The following EPHA7 variants were observed in gnomAD, a reference collection of about 807,000 sequenced individuals.
The protein encoded by EPHA7 is ephrin type-A receptor 7.
EPHA7 carries 25 observed loss-of-function variants against 112.6 expected under a neutral mutation model. The ratio of observed to expected loss-of-function variants is 0.22; its 90% CI spans 0.16 to 0.31. The LOEUF (loss-of-function observed/expected upper bound fraction) is 0.31, where lower values mean the gene tolerates loss of function less well. Ranked by LOEUF, EPHA7 falls within the 10% of genes least tolerant of loss-of-function variation. EPHA7 has a pLI of 1.00. For missense variants in EPHA7, 962 were observed against 1,212.6 expected (o/e 0.79, Z 3.07); for synonymous variants, 437 against 406.5 (o/e 1.07, Z -0.90).
At chr6:93,301,475 A>C (rs2127849912) in intron 5 of EPHA7, among the ~76,000 whole-genome samples, 1 of 152,334 alleles carries the variant, frequency 6.6e-6, no homozygotes, top group African/African-American at 2.4e-5. Flanking sequence ...TTTGAAGGGT[A>C]AAATCTGTAT....
At chr6:93,264,743 T>A in intron 7 of EPHA7, 41 bp from the exon 8 acceptor site, 1 of 1,217,382 alleles carries the variant, frequency 8.2e-7, no homozygotes, top group Non-Finnish European at 1.2e-6. Context: ...CTTGACACCA[T>A]GCAAGAACTT....
rs1371925819 is a variant in EPHA7, at chr6:93,258,223, T to C, written c.1986A>G (p.Val662=). ...AACCAACTTTCAGGGTTTTTATGGC[T>C]ACTGCAACATCTCTTTTCCCTGGAA... ...LKLPGKRDVA[V]AIKTLKVGYT... Residue 662 remains valine (V), a synonymous_variant, in exon 11 of 17, where the codon GTA becomes GTG. Transcript: ENST00000369303. The C allele has an allele frequency of 2.5e-6, 4 of 1,613,226 alleles. No individual in the cohort carries two copies. The Admixed American group carries it at 5.0e-5, about 20-fold the overall frequency.
chr6:93,294,773 T>C (rs544756840), intron 5 of EPHA7, among the ~76,000 whole-genome samples: 2 of 152,228 alleles, frequency 1.3e-5, no homozygotes, highest in Admixed American at 6.5e-5. Flanking sequence ...TTAATAGATA[T>C]AGATTCACAT....
At chr6:93,342,843 C>A (rs990843015) in intron 5 of EPHA7, among the ~76,000 whole-genome samples, 1 of 151,652 alleles carries the variant, frequency 6.6e-6, no homozygotes, top group African/African-American at 2.4e-5. Flanking sequence ...TATGGCTTTA[C>A]ATGTTATTCA....
Position 93,263,771 on chromosome 6 carries a change from T to A in EPHA7, c.1798+89A>T, listed in dbSNP as rs1183021315. 1.6e-5 allele frequency: 15 copies of A among 948,572 alleles called. No individual in the cohort carries two copies. In the South Asian group the frequency reaches 1.6e-4, roughly 10 times the overall value. The allele number at this position is 948,572 out of a possible 1,614,324, so 58.8% of individuals were successfully genotyped here. A position where few individuals can be genotyped will look rare whatever the true frequency, so the allele number is the denominator to read the frequency against. ...GCTCATGGTATAATTTCAAGCATGATGCATGAGGACTTTGTTAATGCCAAT... is the reference window on the plus strand; with the variant it reads ...GCTCATGGTATAATTTCAAGCATGAAGCATGAGGACTTTGTTAATGCCAAT... On this transcript the variant is annotated intron_variant, in intron 9 of 16. Transcript: ENST00000369303.
chr6:93,275,486 T>C (rs937556787), intron 5 of EPHA7, among the ~76,000 whole-genome samples: 28 of 151,924 alleles, frequency 1.8e-4, no homozygotes, highest in Admixed American at 5.3e-4. Context: ...TCCTTTGCCC[T>C]TAAAGATCTT....
intron 3 of EPHA7, among the ~76,000 whole-genome samples, chr6:93,359,467 A>G (rs976711835): frequency 6.6e-6 from 1 of 151,796 alleles, no homozygotes; most frequent in Non-Finnish European, 1.5e-5. Context: ...CTAAAAGAAA[A>G]TCATATCTGT....
chr6:93,336,855 G>C (rs1774903825), intron 5 of EPHA7, among the ~76,000 whole-genome samples: 1 of 150,972 alleles, frequency 6.6e-6, no homozygotes, highest in Non-Finnish European at 1.5e-5. Flanking sequence ...GATCAGTGGA[G>C]TAATATAAAT....
chr6:93,261,864 A>G (rs1406132778), intron 9 of EPHA7, among the ~76,000 whole-genome samples: 3 of 151,562 alleles, frequency 2.0e-5, no homozygotes, highest in African/African-American at 4.8e-5. Context: ...TAAAAATATT[A>G]AAACTGACTG....
At chr6:93,333,120 G>A (rs1289712621) in intron 5 of EPHA7, among the ~76,000 whole-genome samples, 1 of 151,740 alleles carries the variant, frequency 6.6e-6, no homozygotes, top group Non-Finnish European at 1.5e-5. Flanking sequence ...CCACTTGTAA[G>A]TGAGAACATG....
intron 5 of EPHA7, among the ~76,000 whole-genome samples, chr6:93,328,657 T>C (rs1195613309): frequency 1.3e-5 from 2 of 151,362 alleles, no homozygotes; most frequent in East Asian, 3.9e-4. Context: ...AGGACATTGG[T>C]TCCTGAGTCA....
intron 5 of EPHA7, among the ~76,000 whole-genome samples, chr6:93,304,836 A>G (rs182560350): frequency 1.1e-4 from 17 of 152,080 alleles, no homozygotes; most frequent in Non-Finnish European, 1.6e-4. Flanking sequence ...CCTCAGCCTC[A>G]TGGCTCACAG....
At chr6:93,298,603 A>G (rs1482300050) in intron 5 of EPHA7, among the ~76,000 whole-genome samples, 1 of 152,200 alleles carries the variant, frequency 6.6e-6, no homozygotes, top group African/African-American at 2.4e-5. Context: ...GATACACACT[A>G]CATACACTGC....
chr6:93,299,784 T>C (rs770762486), intron 5 of EPHA7, among the ~76,000 whole-genome samples: 24 of 152,320 alleles, frequency 1.6e-4, no homozygotes, highest in Non-Finnish European at 3.4e-4. Context: ...CATGGAATAC[T>C]ATGCAGCCGT....
chr6:93,364,170 T>G (rs1776390618), intron 3 of EPHA7, among the ~76,000 whole-genome samples: 1 of 152,152 alleles, frequency 6.6e-6, no homozygotes, highest in African/African-American at 2.4e-5. Flanking sequence ...CCATATATTG[T>G]ACACTTTAAT....
chr6:93,329,961 G>A (rs1463351430), intron 5 of EPHA7, among the ~76,000 whole-genome samples: 1 of 151,230 alleles, frequency 6.6e-6, no homozygotes, highest in Non-Finnish European at 1.5e-5. Flanking sequence ...GTATAAGCAG[G>A]TTTATCTTTT....
intron 3 of EPHA7, among the ~76,000 whole-genome samples, chr6:93,366,799 G>T (rs1416924303): frequency 6.6e-6 from 1 of 152,034 alleles, no homozygotes; most frequent in African/African-American, 2.4e-5. Context: ...TCCAGAAATA[G>T]AATTTTTAAG....
chr6:93,307,007 T>C (rs1024100787), intron 5 of EPHA7, among the ~76,000 whole-genome samples: 7 of 151,926 alleles, frequency 4.6e-5, no homozygotes, highest in African/African-American at 1.7e-4. Context: ...CTCCATTAAA[T>C]CATAATATAA....
intron 5 of EPHA7, among the ~76,000 whole-genome samples, chr6:93,323,880 C>G (rs895581936): frequency 6.6e-6 from 1 of 151,424 alleles, no homozygotes; most frequent in African/African-American, 2.4e-5. Context: ...GCTATGTTTT[C>G]AAAGAGAGTT....
Sources: gnomAD v4.1 joint callset for allele counts (sites outside exome capture counted in the v4.1 genomes callset) on GRCh38, gnomAD v4.1.1 for gene constraint, MANE v1.5 for transcripts, NCBI Gene and HGNC (gene_info 2026-07-23, HGNC 2026-07-21) for gene names.